The following CLDN18 variants were observed in gnomAD, a reference collection of about 807,000 sequenced individuals.
CLDN18 encodes claudin 18, also known as claudin-18.
In CLDN18, 20 loss-of-function variants were observed where a neutral mutation model predicts 25.0. The ratio of observed to expected loss-of-function variants is 0.80; its 90% CI spans 0.56 to 1.16. The LOEUF is 1.16. CLDN18 is among the 50% of genes most tolerant of loss of function. The probability of loss-of-function intolerance (pLI) is 0.00; values close to 1 mark genes in which losing one functional copy is unlikely to be tolerated. For synonymous variants in CLDN18, 125 were observed against 135.6 expected (o/e 0.92, Z 0.54); for missense variants, 297 against 345.4 (o/e 0.86, Z 1.11).
chr3:138,030,992 G>A lies in CLDN18; in HGVS notation c.637G>A (p.Ala213Thr), dbSNP rs1160721387. The A allele has an allele frequency of 3.7e-6, 6 of 1,612,448 alleles. No individual in the cohort carries two copies. The highest frequency in any genetic ancestry group is 2.2e-5 in the South Asian group (2 of 90,774). ...CAGCTACAAAGCCGTTTCTTATCAT[G>A]CCTCAGGCCACAGTGTTGCCTACAA... ...ETNYKAVSYHASGHSVAYKPG... is the reference protein window; with the variant it reads ...ETNYKAVSYHTSGHSVAYKPG... The change falls in exon 5 of 5, where the codon GCC becomes ACC. Residue 213 changes from alanine (A) to threonine (T), a missense_variant. Transcript: ENST00000183605.
upstream of CLDN18, among the ~76,000 whole-genome samples, chr3:138,005,397 C>T (rs1015480256): frequency 3.9e-5 from 6 of 152,008 alleles, no homozygotes; most frequent in African/African-American, 1.5e-4. Flanking sequence ...TGCCACCCAC[C>T]CCCCTAACAG....
intron 1 of CLDN18, among the ~76,000 whole-genome samples, chr3:137,999,822 T>C (rs1041356296): frequency 2.6e-5 from 4 of 152,218 alleles, no homozygotes; most frequent in African/African-American, 9.6e-5. Flanking sequence ...GCTTAGTAGA[T>C]TGGTCATTTT....
chr3:138,000,048 G>T (rs1941999450), intron 1 of CLDN18, among the ~76,000 whole-genome samples: 1 of 152,202 alleles, frequency 6.6e-6, no homozygotes, highest in African/African-American at 2.4e-5. Context: ...CCAGGAATTT[G>T]CCATTTGACT....
intron 1 of CLDN18, among the ~76,000 whole-genome samples, chr3:138,016,863 G>A (rs1942211757): frequency 6.6e-6 from 1 of 152,160 alleles, no homozygotes; most frequent in South Asian, 2.1e-4. Flanking sequence ...AGACCAGCCT[G>A]ACCAATATGG....
chr3:138,007,548 C>CG (rs1438725536), upstream of CLDN18, among the ~76,000 whole-genome samples: 37 of 17,632 alleles, frequency 2.1e-3, no homozygotes, highest in African/African-American at 7.0e-3. Context: ...TGTCGGGGGT[C>CG]GGGGGGGTGA....
chr3:138,030,958 T>C lies in CLDN18; in HGVS notation c.615-12T>C, dbSNP rs373585650. 2 of 1,608,322 alleles carry C rather than the reference T, an allele frequency of 1.2e-6. No homozygotes were observed. The highest frequency in any genetic ancestry group is 1.7e-6 in the Non-Finnish European group (2 of 1,176,418). On this transcript the variant is annotated splice_polypyrimidine_tract_variant and intron_variant, in intron 4 of 4. Transcript: ENST00000183605. ...GACATCTACAATCATGGAATGTTTA[T>C]TTTTCTTTCAGCTACAAAGCCGTTT... is the stretch of plus-strand genomic sequence containing the variant.
At chr3:138,007,756 C>G (rs953642466), upstream of CLDN18, among the ~76,000 whole-genome samples, 2 of 152,208 alleles carry the variant, frequency 1.3e-5, no homozygotes, top group African/African-American at 4.8e-5. Flanking sequence ...TAGACTCTGT[C>G]TATGGAAACA....
At chr3:138,022,810 C>T (rs1276476527) in intron 1 of CLDN18, among the ~76,000 whole-genome samples, 1 of 152,236 alleles carries the variant, frequency 6.6e-6, no homozygotes, top group African/African-American at 2.4e-5. Context: ...TCCATGACAA[C>T]AGAGACCATG....
intron 3 of CLDN18, among the ~76,000 whole-genome samples, chr3:138,028,291 C>T (rs1576413324): frequency 6.6e-6 from 1 of 152,148 alleles, no homozygotes; most frequent in East Asian, 1.9e-4. Context: ...TCTCAAACTC[C>T]CTACCTCAGG....
chr3:138,009,938 C>G (rs1429607801), upstream of CLDN18: 7 of 402,654 alleles, frequency 1.7e-5, no homozygotes, highest in East Asian at 2.2e-4. Context: ...CGGTCTGGCC[C>G]GGAGCAGGGA....
chr3:138,014,174 T>C (rs1340140774), intron 1 of CLDN18, among the ~76,000 whole-genome samples: 4 of 151,838 alleles, frequency 2.6e-5, no homozygotes, highest in Non-Finnish European at 5.9e-5. Context: ...AAAGAGCTCT[T>C]AGAGAGAGAA....
At chr3:138,029,674 CATGGTCAGGGA>C (rs1942364219) in intron 3 of CLDN18, 112 bp from the exon 4 acceptor site, 1 of 623,468 alleles carries the variant, frequency 1.6e-6, no homozygotes, top group Non-Finnish European at 2.9e-6. Context: ...TGTTCAGGGG[CATGGTCAGGGA>C]TGGATGTGGA....
chr3:138,003,505 T>G (rs1458932432), intron 1 of CLDN18, among the ~76,000 whole-genome samples: 2 of 152,238 alleles, frequency 1.3e-5, no homozygotes, highest in East Asian at 3.8e-4. Flanking sequence ...GACTTAGTTC[T>G]GCTTATATGT....
chr3:138,016,547 C>G (rs1176746068), intron 1 of CLDN18, among the ~76,000 whole-genome samples: 1 of 151,744 alleles, frequency 6.6e-6, no homozygotes, highest in Non-Finnish European at 1.5e-5. Flanking sequence ...ATATGGCAAA[C>G]TCATGTCCCT....
In CLDN18 at chr3:138,032,852, C is replaced by G. The variant is rs1942414146; in HGVS notation, c.*1711C>G. On this transcript the variant is annotated 3_prime_UTR_variant, in exon 5 of 5. Coordinates refer to ENST00000183605, the MANE Select transcript of CLDN18 (RefSeq NM_016369.4). ...CTGAAAGCTCTTTGCAACCACACAC[C>G]TTCCCTGAGCTTACATCACTGCCCT... 6.6e-6 allele frequency: 1 copy of G among 152,222 alleles called. No homozygotes were observed. Among genetic ancestry groups the G allele is most frequent in the Non-Finnish European group, 1.5e-5 (1 of 68,056 alleles). 9.4% of individuals were successfully genotyped at this position (152,222 alleles called of 1,614,324 possible).
intron 1 of CLDN18, among the ~76,000 whole-genome samples, chr3:138,003,000 G>T (rs185849429): frequency 8.1e-4 from 123 of 152,326 alleles, no homozygotes; most frequent in Middle Eastern, 3.4e-3. Flanking sequence ...CAGACTGTCT[G>T]CACATAGGGA....
At chr3:138,003,267 G>A (rs901134259) in intron 1 of CLDN18, among the ~76,000 whole-genome samples, 1 of 152,158 alleles carries the variant, frequency 6.6e-6, no homozygotes, top group Non-Finnish European at 1.5e-5. Flanking sequence ...ATCATCCCTG[G>A]TTAAGAACCA....
At chr3:138,024,456 G>A in intron 2 of CLDN18, 151 bp from the exon 3 acceptor site, 1 of 646,980 alleles carries the variant, frequency 1.5e-6, no homozygotes, top group Non-Finnish European at 2.8e-6. Context: ...ACAATATTTA[G>A]CACATAGCAA....
At chr3:137,999,935 G>T (rs570236123) in intron 1 of CLDN18, among the ~76,000 whole-genome samples, 1 of 151,552 alleles carries the variant, frequency 6.6e-6, no homozygotes, top group African/African-American at 2.4e-5. Context: ...TTTTATTTTT[G>T]CTTGTTTCTT....
Sources: allele counts gnomAD v4.1 joint callset (sites outside exome capture counted in the v4.1 genomes callset), GRCh38; gene constraint gnomAD v4.1.1; transcripts MANE v1.5; gene names NCBI Gene and HGNC (gene_info 2026-07-23, HGNC 2026-07-21).